DGKG: variants seen among roughly 807,000 people sequenced by gnomAD.
DGKG encodes the protein diacylglycerol kinase gamma, also known as DAG kinase gamma.
In DGKG, 78 loss-of-function variants were observed where a neutral mutation model predicts 105.3. That is an observed-to-expected ratio of 0.74 (90% confidence interval 0.62 to 0.89). The LOEUF is 0.89. DGKG is among the 40% of genes least tolerant of loss of function. The pLI, the probability that DGKG is intolerant of heterozygous loss-of-function variation, is 0.00. For synonymous variants in DGKG, 346 were observed against 367.1 expected (o/e 0.94, Z 0.66); for missense variants, 958 against 1,020.1 (o/e 0.94, Z 0.83).
At chr3:186,279,415 AC>A (rs994374617) in intron 9 of DGKG, 9 of 149,496 alleles carry the variant, frequency 6.0e-5, no homozygotes, top group African/African-American at 2.3e-4. Context: ...ATAAGATACC[AC>A]TAATGGAAGC....
intron 22 of DGKG, among the ~76,000 whole-genome samples, chr3:186,168,560 G>A (rs1313686862): frequency 6.6e-6 from 1 of 152,172 alleles, no homozygotes; most frequent in Admixed American, 6.5e-5. Flanking sequence ...ATAATACCAA[G>A]TGCTGGCCAG....
At chr3:186,204,184 A>T (rs1400782146) in intron 21 of DGKG, among the ~76,000 whole-genome samples, 1 of 152,050 alleles carries the variant, frequency 6.6e-6, no homozygotes, top group African/African-American at 2.4e-5. Context: ...CAAGGCAGGT[A>T]GATCTATTGA....
At position 186,288,818 on chromosome 3, in the gene DGKG, G is replaced by T. The variant is rs149422275; in HGVS notation, c.436C>A (p.Pro146Thr). Reference sequence around the variant, plus strand: ...GAGCTTGAAGACCGAGGGACGGGGGGTTCCAGGGGGGTCGCAGCCACTTGG... The same window carrying T: ...GAGCTTGAAGACCGAGGGACGGGGGTTTCCAGGGGGGTCGCAGCCACTTGG... ...EDQVAATPLE[P>T]PVPRSSSSES... is the part of the protein sequence containing the mutation. Residue 146 changes from proline to threonine, a missense_variant, in exon 6 of 25, where the codon CCC (proline) becomes ACC (threonine). Transcript: ENST00000265022. The T allele has an allele frequency of 2.5e-6, 4 of 1,611,132 alleles. No homozygotes were observed. The highest frequency in any genetic ancestry group is 2.7e-5 in the African/African-American group (2 of 74,716).
chr3:186,197,990 G>T (rs985482083), intron 21 of DGKG, among the ~76,000 whole-genome samples: 2 of 152,106 alleles, frequency 1.3e-5, no homozygotes, highest in African/African-American at 4.8e-5. Flanking sequence ...TTGCATAGTT[G>T]TCTGTCCCCT....
intron 22 of DGKG, among the ~76,000 whole-genome samples, chr3:186,176,639 G>A (rs928156522): frequency 2.6e-5 from 4 of 152,290 alleles, no homozygotes; most frequent in East Asian, 1.9e-4. Flanking sequence ...ACCAGCTAAC[G>A]CAGTCTTGGA....
Position 186,148,356 on chromosome 3 carries a change from G to A in DGKG, c.*1734C>T. On this transcript the variant is annotated 3_prime_UTR_variant, in exon 25 of 25. Coordinates refer to ENST00000265022, the MANE Select transcript of DGKG (RefSeq NM_001346.3). ...AAGAGACTATGATGACCATGATGAGGTGACATGTGGAGAGTTCAGTCTGAT... is the reference window on the plus strand; with the variant it reads ...AAGAGACTATGATGACCATGATGAGATGACATGTGGAGAGTTCAGTCTGAT... 3.0e-6 allele frequency: 3 copies of A among 985,462 alleles called. No individual in the cohort carries two copies. The highest frequency in any genetic ancestry group is 3.6e-6 in the Non-Finnish European group (3 of 829,954). 61.0% of individuals were successfully genotyped at this position (985,462 alleles called of 1,614,324 possible).
chr3:186,322,223 C>T (rs769921523), intron 1 of DGKG, among the ~76,000 whole-genome samples: 7 of 152,154 alleles, frequency 4.6e-5, no homozygotes, highest in Non-Finnish European at 7.3e-5. Context: ...AGTACATATA[C>T]ACCACGGAAT....
chr3:186,352,337 G>A (rs980523262), intron 1 of DGKG, among the ~76,000 whole-genome samples: 1 of 152,076 alleles, frequency 6.6e-6, no homozygotes, highest in Admixed American at 6.5e-5. Flanking sequence ...TATTAGATAG[G>A]CATGGACCTC....
At chr3:186,314,542 G>A (rs1724722763) in intron 2 of DGKG, among the ~76,000 whole-genome samples, 1 of 152,080 alleles carries the variant, frequency 6.6e-6, no homozygotes, top group African/African-American at 2.4e-5. Flanking sequence ...ATCACCTGAG[G>A]TCAGGAGTTC....
At chr3:186,248,537 C>T (rs979924488) in intron 19 of DGKG, among the ~76,000 whole-genome samples, 6 of 152,356 alleles carry the variant, frequency 3.9e-5, no homozygotes, top group Non-Finnish European at 7.3e-5. Context: ...AGAATGATCT[C>T]AGGGTCTTGT....
intron 2 of DGKG, 128 bp downstream of exon 2, chr3:186,320,265 A>G (rs1167271314): frequency 1.2e-5 from 13 of 1,097,234 alleles, no homozygotes; most frequent in Non-Finnish European, 1.4e-5. Context: ...GTTTATAAGG[A>G]AATATAAGCC....
At chr3:186,327,557 A>G (rs1186652865) in intron 1 of DGKG, among the ~76,000 whole-genome samples, 1 of 150,806 alleles carries the variant, frequency 6.6e-6, no homozygotes, top group Non-Finnish European at 1.5e-5. Context: ...GGTGTATGCC[A>G]CTATGACCTG....
intron 9 of DGKG, among the ~76,000 whole-genome samples, chr3:186,277,555 C>T (rs549236937): frequency 1.4e-4 from 22 of 152,336 alleles, no homozygotes; most frequent in African/African-American, 5.1e-4. Flanking sequence ...CAGACTTCTT[C>T]GTGGAGCCCA....
chr3:186,305,322 GTGC>G (rs1724176886), intron 3 of DGKG, among the ~76,000 whole-genome samples: 1 of 152,204 alleles, frequency 6.6e-6, no homozygotes, highest in Admixed American at 6.5e-5. Flanking sequence ...ACAATGTGAT[GTGC>G]TGAGGAGGAA....
At chr3:186,196,012 T>A (rs74628487) in intron 21 of DGKG, among the ~76,000 whole-genome samples, 1,582 of 152,254 alleles carry the variant, frequency 0.01, 36 homozygotes, top group African/African-American at 0.035. Context: ...ATTAATATAG[T>A]CCCCTAATGG....
intron 24 of DGKG, among the ~76,000 whole-genome samples, chr3:186,152,658 C>T (rs1388418794): frequency 6.6e-6 from 1 of 151,996 alleles, no homozygotes; most frequent in Non-Finnish European, 1.5e-5. Flanking sequence ...TGGTAGAGCC[C>T]CTCCCCCACA....
chr3:186,283,424 T>C (rs1015141141), intron 7 of DGKG, among the ~76,000 whole-genome samples: 3 of 152,166 alleles, frequency 2.0e-5, no homozygotes. Flanking sequence ...CCTGGAAGGC[T>C]CTTCCCCTAG....
chr3:186,201,733 T>C (rs945476897), intron 21 of DGKG, among the ~76,000 whole-genome samples: 1 of 152,362 alleles, frequency 6.6e-6, no homozygotes, highest in East Asian at 1.9e-4. Context: ...TCATTGCTAA[T>C]GTTCACACCA....
chr3:186,200,031 G>T (rs1168467727), intron 21 of DGKG, among the ~76,000 whole-genome samples: 8 of 152,240 alleles, frequency 5.3e-5, no homozygotes, highest in South Asian at 2.1e-4. Flanking sequence ...ATCGCATTTA[G>T]AGTATTATAG....
Sources: gnomAD v4.1 joint callset for allele counts (sites outside exome capture counted in the v4.1 genomes callset) on GRCh38, gnomAD v4.1.1 for gene constraint, MANE v1.5 for transcripts, NCBI Gene and HGNC (gene_info 2026-07-23, HGNC 2026-07-21) for gene names.